Variants in MACROD2 observed in about 807,000 individuals in gnomAD.
MACROD2 encodes ADP-ribose glycohydrolase MACROD2.
Under a neutral mutation model 70.4 loss-of-function variants are expected in MACROD2, and 36 were observed. The ratio of observed to expected loss-of-function variants is 0.51; its 90% CI spans 0.39 to 0.68. The LOEUF (loss-of-function observed/expected upper bound fraction) is 0.68. MACROD2 is among the 30% of genes least tolerant of loss of function. MACROD2 has a pLI of 0.00. For missense variants in MACROD2, 496 were observed against 538.4 expected (o/e 0.92, Z 0.78); for synonymous variants, 172 against 178.8 (o/e 0.96, Z 0.30).
intron 11 of MACROD2, among the ~76,000 whole-genome samples, chr20:15,935,018 T>TC (rs11481777): frequency 0.96 from 145,406 of 152,200 alleles, 69,702 homozygotes; most frequent in East Asian, 1. Context: ...AAAGATTGTT[T>TC]CCATCCCTGT....
At chr20:15,015,855 T>C (rs926226170) in intron 5 of MACROD2, among the ~76,000 whole-genome samples, 1 of 152,234 alleles carries the variant, frequency 6.6e-6, no homozygotes, top group Non-Finnish European at 1.5e-5. Flanking sequence ...TTTGAGCATA[T>C]AGTTTTCCTC....
chr20:14,014,426 T>C (rs1356188485), intron 2 of MACROD2, among the ~76,000 whole-genome samples: 2 of 152,240 alleles, frequency 1.3e-5, no homozygotes, highest in Admixed American at 1.3e-4. Context: ...TTGATTTATC[T>C]AAGCCTTTGA....
At chr20:14,481,299 T>G (rs1028677349) in intron 3 of MACROD2, among the ~76,000 whole-genome samples, 3 of 152,122 alleles carry the variant, frequency 2.0e-5, no homozygotes, top group Admixed American at 6.6e-5. Context: ...ATTGTTCATA[T>G]TACCTGAAGT....
Position 14,348,509 on chromosome 20 carries a change from C to A in MACROD2, c.272-144970C>A, listed in dbSNP as rs377276578. On this transcript the variant is annotated intron_variant, in intron 3 of 17. Transcript: ENST00000684519. ...CATTTGGCTCCTCTGAACCTTATTACTTCCTTCAACTTGTCTTTTATGAAC... is the reference window on the plus strand; with the variant it reads ...CATTTGGCTCCTCTGAACCTTATTAATTCCTTCAACTTGTCTTTTATGAAC... 4.0e-5 allele frequency among the ~76,000 whole-genome samples: 6 copies of A among 151,498 alleles called. No individual in the cohort carries two copies. The East Asian group carries it at 9.7e-4, about 24-fold the overall frequency.
intron 8 of MACROD2, among the ~76,000 whole-genome samples, chr20:15,640,482 G>T (rs150467596): frequency 2.0e-5 from 3 of 152,296 alleles, no homozygotes; most frequent in African/African-American, 7.2e-5. Context: ...CCAGCCCTGT[G>T]CACATGTCCC....
chr20:15,856,508 T>G (rs566823407), intron 8 of MACROD2, among the ~76,000 whole-genome samples: 1 of 152,238 alleles, frequency 6.6e-6, no homozygotes, highest in African/African-American at 2.4e-5. Context: ...AAATATCTTA[T>G]GTTTTTGGTT....
At chr20:15,876,193 C>T (rs1377499020) in intron 9 of MACROD2, among the ~76,000 whole-genome samples, 1 of 149,472 alleles carries the variant, frequency 6.7e-6, no homozygotes, top group Non-Finnish European at 1.5e-5. Context: ...TATACATGTG[C>T]CATGTCGGTG....
At chr20:14,141,747 GAAAAAAAAAA>G (rs3043659) in intron 3 of MACROD2, among the ~76,000 whole-genome samples, 2 of 66,858 alleles carry the variant, frequency 3.0e-5, no homozygotes, top group Admixed American at 4.9e-4. Context: ...CTCCATCTCA[GAAAAAAAAAA>G]AAAAAAAAAA....
At chr20:16,035,210 T>G (rs1347014399) in intron 15 of MACROD2, among the ~76,000 whole-genome samples, 1 of 51,186 alleles carries the variant, frequency 2.0e-5, no homozygotes, top group African/African-American at 5.7e-5. Flanking sequence ...TATAAAATAT[T>G]ATATATTATA....
At chr20:14,429,191 AGGTTCTAAG>A (rs2083967492) in intron 3 of MACROD2, among the ~76,000 whole-genome samples, 1 of 152,178 alleles carries the variant, frequency 6.6e-6, no homozygotes, top group African/African-American at 2.4e-5. Context: ...CCAGAGGTAC[AGGTTCTAAG>A]GTTGTAAGAA....
At chr20:14,969,361 TACAC>T (rs3045701) in intron 5 of MACROD2, among the ~76,000 whole-genome samples, 4,546 of 138,038 alleles carry the variant, frequency 0.033, 107 homozygotes, top group Middle Eastern at 0.094. Flanking sequence ...TAAATGCTTT[TACAC>T]ACACACACAC....
intron 8 of MACROD2, among the ~76,000 whole-genome samples, chr20:15,637,621 C>A (rs1600698985): frequency 6.6e-6 from 1 of 152,298 alleles, no homozygotes; most frequent in South Asian, 2.1e-4. Flanking sequence ...ATAAGACAGG[C>A]CCACAACATT....
intron 8 of MACROD2, among the ~76,000 whole-genome samples, chr20:15,624,285 G>C (rs1167166878): frequency 6.6e-6 from 1 of 152,162 alleles, no homozygotes; most frequent in Admixed American, 6.5e-5. Context: ...CAATTGGATG[G>C]TGCCCACCCA....
intron 2 of MACROD2, among the ~76,000 whole-genome samples, chr20:14,005,068 AAG>A (rs1211442685): frequency 6.6e-6 from 1 of 152,196 alleles, no homozygotes; most frequent in Non-Finnish European, 1.5e-5. Flanking sequence ...TTAAATAAAA[AAG>A]AGGGGAGCAG....
intron 5 of MACROD2, among the ~76,000 whole-genome samples, chr20:15,107,467 A>G (rs2075920038): frequency 6.6e-6 from 1 of 151,990 alleles, no homozygotes; most frequent in African/African-American, 2.4e-5. Context: ...CTTAATTCCC[A>G]TTTTCAAAAC....
intron 3 of MACROD2, among the ~76,000 whole-genome samples, chr20:14,404,594 T>A (rs2083673252): frequency 1.2e-5 from 1 of 82,326 alleles, no homozygotes; most frequent in African/African-American, 3.1e-5. Flanking sequence ...GAGACCCCCA[T>A]CTCCAAAAAA....
chr20:15,904,880 CAAAAAAAA>C (rs10556594), intron 10 of MACROD2, among the ~76,000 whole-genome samples: 3 of 129,052 alleles, frequency 2.3e-5, no homozygotes, highest in African/African-American at 6.1e-5. Context: ...GACTCTGTCT[CAAAAAAAA>C]AAAAAAAAAA....
At chr20:15,382,083 G>A (rs964928353) in intron 6 of MACROD2, among the ~76,000 whole-genome samples, 31 of 152,166 alleles carry the variant, frequency 2.0e-4, no homozygotes, top group African/African-American at 7.0e-4. Context: ...GCTTGTGACA[G>A]TACTACTAGT....
chr20:14,463,397 C>T (rs574006405), intron 3 of MACROD2, among the ~76,000 whole-genome samples: 2 of 152,104 alleles, frequency 1.3e-5, no homozygotes, highest in South Asian at 4.2e-4. Flanking sequence ...TATCCTGAGA[C>T]TTTGCTGAAG....
Sources: gnomAD v4.1 joint callset for allele counts (sites outside exome capture counted in the v4.1 genomes callset) on GRCh38, gnomAD v4.1.1 for gene constraint, MANE v1.5 for transcripts, NCBI Gene and HGNC (gene_info 2026-07-23, HGNC 2026-07-21) for gene names.